DGKK: variants seen among roughly 807,000 people sequenced by gnomAD.
The protein encoded by DGKK is diacylglycerol kinase kappa.
In DGKK, 35 loss-of-function variants were observed where a neutral mutation model predicts 92.2. The observed-to-expected ratio is 0.38, with a 90% confidence interval of 0.29 to 0.50. The LOEUF is 0.50. Among genes scored for constraint, DGKK ranks in the 20% least tolerant of loss-of-function variants. The pLI, the probability that DGKK is intolerant of heterozygous loss-of-function variation, is 0.92. For missense variants in DGKK, 910 were observed against 992.2 expected, an observed-to-expected ratio of 0.92 and a Z score of 1.11; for synonymous variants, 368 against 360.6, an observed-to-expected ratio of 1.02 and a Z score of -0.23.
chrX:50,416,693 G>A (rs1337209005), intron 4 of DGKK, among the ~76,000 whole-genome samples: 2 of 111,815 alleles, frequency 1.8e-5, no homozygotes, highest in Non-Finnish European at 3.8e-5. Flanking sequence ...TCCAAATTGG[G>A]CCACTTTCTA....
Position 50,365,671 on chromosome X carries a change from A to G in DGKK, c.*3269T>C, listed in dbSNP as rs1308734094. ...TTACAGATTCACTGACAAATAGACA[A>G]ATGCAATTCCACAAATCATATAGCC... is the stretch of plus-strand genomic sequence containing the variant. On this transcript the variant is annotated 3_prime_UTR_variant, in exon 28 of 28. Transcript: ENST00000611977. The G allele has an allele frequency of 1.8e-5, 2 of 111,397 alleles. No homozygotes were observed. Among genetic ancestry groups the G allele is most frequent in the Non-Finnish European group, 3.8e-5 (2 of 53,104 alleles). The allele number at this position is 111,397 out of a possible 1,213,427, so 9.2% of individuals were successfully genotyped here.
At chrX:50,425,108 G>C (rs1214771235) in intron 1 of DGKK, among the ~76,000 whole-genome samples, 1 of 111,414 alleles carries the variant, frequency 9.0e-6, no homozygotes, top group Non-Finnish European at 1.9e-5. Context: ...TGCCATTTGG[G>C]AGAAGTACTC....
intron 1 of DGKK, among the ~76,000 whole-genome samples, chrX:50,469,541 G>T (rs1473448956): frequency 1.3e-4 from 15 of 112,030 alleles, no homozygotes; most frequent in African/African-American, 4.5e-4. Flanking sequence ...CAGCTGAGGC[G>T]CCCCCTCCCC....
At chrX:50,467,601 G>A (rs1407090640) in intron 1 of DGKK, among the ~76,000 whole-genome samples, 2 of 113,014 alleles carry the variant, frequency 1.8e-5, no homozygotes, top group African/African-American at 3.2e-5. Context: ...ACGCCTGTGC[G>A]TGTTGCACAG....
rs1557223224 is a variant in DGKK, at chrX:50,371,753, C to G, written c.3583G>C (p.Asp1195His). 1 of 1,206,723 alleles carries G rather than the reference C, an allele frequency of 8.3e-7. No homozygotes were observed. The highest frequency in any genetic ancestry group is 3.0e-5 in the East Asian group (1 of 33,730). ...GGAACAAAGATTGGATTCATCCAGT[C>G]AATCTCAGATAGCTTTTTGAACTCC... Reference protein sequence around the residue: ...NKEFKKLSEIDWMNPIFVPEE... With the variant: ...NKEFKKLSEIHWMNPIFVPEE... Residue 1195 changes from aspartate to histidine, a missense_variant, in exon 26 of 28, where the codon GAC (aspartate) becomes CAC (histidine). Asp to His is a moderately conservative substitution (Grantham distance 81, BLOSUM62 -1). Coordinates refer to ENST00000611977, the MANE Select transcript of DGKK (RefSeq NM_001013742.4).
chrX:50,420,942 A>T (rs1349560557), intron 3 of DGKK, among the ~76,000 whole-genome samples: 1 of 111,775 alleles, frequency 8.9e-6, no homozygotes, highest in Non-Finnish European at 1.9e-5. Context: ...TCATTCTTTT[A>T]AATACTAAAC....
rs372728532 is a variant in DGKK at position 50,401,020 on chromosome X, A to G, written c.1411+17T>C. 95 of 1,177,090 alleles carry G rather than the reference A, an allele frequency of 8.1e-5. No individual in the cohort carries two copies. The highest frequency in any genetic ancestry group is 2.3e-4 in the Middle Eastern group (1 of 4,318). ...ACATGCCCAATGTGCTTCTGAGGTT[A>G]AGATTTAACTACTCACCATCGCCTT... On this transcript the variant is annotated intron_variant, in intron 8 of 27. Coordinates refer to ENST00000611977, the MANE Select transcript of DGKK (RefSeq NM_001013742.4).
chrX:50,454,025 G>A (rs1926552584), intron 1 of DGKK, among the ~76,000 whole-genome samples: 1 of 109,509 alleles, frequency 9.1e-6, no homozygotes, highest in Non-Finnish European at 1.9e-5. Flanking sequence ...GAAAAAAACA[G>A]TTTTCCCATC....
rs1389202455 is a variant in DGKK at position 50,457,528 on chromosome X, T to C, written c.645+12506A>G. On this transcript the variant is annotated intron_variant, in intron 1 of 27. Coordinates refer to ENST00000611977, the MANE Select transcript of DGKK (RefSeq NM_001013742.4). ...TTATCTGTGCTTAATTGTACTGTTT[T>C]ATGTGCATTTGATTTTGTAAGATAC... Among the ~76,000 whole-genome samples the C allele has an allele frequency of 2.7e-5, 3 of 112,263 alleles. No homozygotes were observed. In the South Asian group the frequency reaches 1.1e-3, roughly 42 times the overall value.
intron 26 of DGKK, 31 bp downstream of exon 26, chrX:50,371,693 C>T (rs782078316): frequency 9.4e-7 from 1 of 1,059,671 alleles, no homozygotes; most frequent in Non-Finnish European, 1.3e-6. Flanking sequence ...TCCCTCTTTC[C>T]CTTTATTTCC....
chrX:50,430,928 C>T (rs1348608347), intron 1 of DGKK, among the ~76,000 whole-genome samples: 1 of 111,848 alleles, frequency 8.9e-6, no homozygotes, highest in African/African-American at 3.3e-5. Context: ...CCCCCTGCTG[C>T]TTAATTGGGA....
chrX:50,392,269 C>A, intron 10 of DGKK, 72 bp downstream of exon 10: 1 of 819,225 alleles, frequency 1.2e-6, no homozygotes, highest in South Asian at 2.3e-5. Context: ...AGACTTGGGA[C>A]TTCTTGGGAT....
At chrX:50,409,795 G>A (rs1337736232) in intron 4 of DGKK, among the ~76,000 whole-genome samples, 1 of 111,528 alleles carries the variant, frequency 9.0e-6, no homozygotes, top group Non-Finnish European at 1.9e-5. Context: ...GGTATTAGGA[G>A]ATGGGGCCTT....
chrX:50,398,689 C>T (rs1469713118), intron 8 of DGKK, among the ~76,000 whole-genome samples: 1 of 111,436 alleles, frequency 9.0e-6, no homozygotes, highest in Non-Finnish European at 1.9e-5. Context: ...TTAAAAACAC[C>T]AACACAAGGA....
At chrX:50,389,971 A>T (rs192241892) in intron 12 of DGKK, among the ~76,000 whole-genome samples, 1 of 111,053 alleles carries the variant, frequency 9.0e-6, no homozygotes, top group East Asian at 2.9e-4. Context: ...AACCCCCTCT[A>T]CTTCCTTATA....
At chrX:50,405,528 GA>G (rs1557227181) in intron 4 of DGKK, among the ~76,000 whole-genome samples, 2 of 76,533 alleles carry the variant, frequency 2.6e-5, no homozygotes, top group African/African-American at 2.0e-4. Flanking sequence ...ACAGTGGGGG[GA>G]GAGAGAGAGA....
At chrX:50,393,986 G>GAGGCTTTT (rs782079271) in intron 8 of DGKK, among the ~76,000 whole-genome samples, 11 of 112,378 alleles carry the variant, frequency 9.8e-5, no homozygotes, top group Non-Finnish European at 2.1e-4. Context: ...GAACAAGGGA[G>GAGGCTTTT]AGGCTTTTAA....
intron 11 of DGKK, 94 bp from the exon 12 acceptor site, chrX:50,390,503 A>T: frequency 5.1e-5 from 34 of 670,244 alleles, no homozygotes; most frequent in East Asian, 1.3e-4. Flanking sequence ...AAAAATGTTT[A>T]TGTGGTGGGG....
Position 50,382,635 on chromosome X carries a change from G to A in DGKK, c.2550-32C>T, listed in dbSNP as rs199995789. The A allele has an allele frequency of 1.6e-4, 179 of 1,106,423 alleles. 1 individual carries two copies. The highest frequency in any genetic ancestry group is 8.1e-5 in the Non-Finnish European group (66 of 811,402). 91.2% of individuals were successfully genotyped at this position (1,106,423 alleles called of 1,213,427 possible). On this transcript the variant is annotated intron_variant, in intron 17 of 27. Transcript: ENST00000611977. ...TTATTCAAAGAAGAGGACAGACATT[G>A]GTGCAGGAAAGAAGTGCCGCTATCA...
Sources: gnomAD v4.1 joint callset for allele counts (sites outside exome capture counted in the v4.1 genomes callset) on GRCh38, gnomAD v4.1.1 for gene constraint, MANE v1.5 for transcripts, NCBI Gene and HGNC (gene_info 2026-07-23, HGNC 2026-07-21) for gene names.